Variants in RYK observed in about 807,000 individuals in gnomAD.
RYK encodes receptor like tyrosine kinase.
A neutral mutation model predicts 70.2 loss-of-function variants in RYK; 21 were observed. The ratio of observed to expected loss-of-function variants is 0.30; its 90% CI spans 0.21 to 0.43. RYK has a LOEUF of 0.43. Among genes scored for constraint, RYK ranks in the 20% least tolerant of loss-of-function variants. The pLI, the probability that RYK is intolerant of heterozygous loss-of-function variation, is 1.00. For missense variants in RYK, 604 were observed against 753.3 expected, an observed-to-expected ratio of 0.80 and a Z score of 2.32; for synonymous variants, 267 against 278.0, an observed-to-expected ratio of 0.96 and a Z score of 0.39.
chr3:134,208,490 T>A (rs1040658609), intron 4 of RYK, among the ~76,000 whole-genome samples: 2 of 152,202 alleles, frequency 1.3e-5, no homozygotes, highest in Non-Finnish European at 2.9e-5. Flanking sequence ...GAAGTTGGTA[T>A]ATAACTGAAT....
intron 6 of RYK, among the ~76,000 whole-genome samples, chr3:134,197,322 T>C (rs1279256237): frequency 6.6e-6 from 1 of 152,200 alleles, no homozygotes; most frequent in Non-Finnish European, 1.5e-5. Flanking sequence ...GAACTGCCAG[T>C]ATCATCGATT....
chr3:134,225,090 T>C (rs1026476695), intron 1 of RYK, among the ~76,000 whole-genome samples: 3 of 152,194 alleles, frequency 2.0e-5, no homozygotes, highest in Non-Finnish European at 4.4e-5. Context: ...CTAAAAAAGA[T>C]ACTGAAAGCA....
chr3:134,170,208 A>C (rs1026227312), intron 13 of RYK, among the ~76,000 whole-genome samples: 3 of 152,244 alleles, frequency 2.0e-5, no homozygotes, highest in African/African-American at 7.2e-5. Flanking sequence ...ATTTATAATA[A>C]GCTACAAAAG....
intron 2 of RYK, among the ~76,000 whole-genome samples, chr3:134,214,544 T>C (rs1396326379): frequency 2.0e-5 from 3 of 152,192 alleles, no homozygotes; most frequent in South Asian, 2.1e-4. Context: ...GGTTGACTCC[T>C]TCCAAACCCT....
At chr3:134,210,263 T>A (rs2014350679) in intron 3 of RYK, among the ~76,000 whole-genome samples, 1 of 152,234 alleles carries the variant, frequency 6.6e-6, no homozygotes. Context: ...AATGCAAGTA[T>A]GTCTGCTCTT....
chr3:134,248,968 C>T (rs2015539466), intron 1 of RYK, among the ~76,000 whole-genome samples: 1 of 151,978 alleles, frequency 6.6e-6, no homozygotes, highest in Non-Finnish European at 1.5e-5. Flanking sequence ...ATGTCAGTCC[C>T]TGGTTGTCTT....
intron 1 of RYK, among the ~76,000 whole-genome samples, chr3:134,246,413 C>T (rs974899289): frequency 2.9e-5 from 4 of 139,306 alleles, no homozygotes; most frequent in Non-Finnish European, 6.2e-5. Flanking sequence ...TAAAAAGAGT[C>T]TCTAGATTGA....
chr3:134,227,943 G>A (rs192444490), intron 1 of RYK, among the ~76,000 whole-genome samples: 8 of 152,306 alleles, frequency 5.3e-5, no homozygotes, highest in Admixed American at 4.6e-4. Context: ...AAACTGTTGG[G>A]ATTACAGGCG....
chr3:134,237,972 A>G (rs1287591366), intron 1 of RYK, among the ~76,000 whole-genome samples: 2 of 152,240 alleles, frequency 1.3e-5, no homozygotes, highest in African/African-American at 2.4e-5. Context: ...CACTGAATAC[A>G]TTTTAATGAA....
intron 9 of RYK, among the ~76,000 whole-genome samples, chr3:134,186,794 C>T (rs1187647759): frequency 6.6e-6 from 1 of 152,106 alleles, no homozygotes; most frequent in East Asian, 1.9e-4. Context: ...AAACCTCCTT[C>T]CTTAATTCAG....
intron 2 of RYK, among the ~76,000 whole-genome samples, chr3:134,221,195 T>A (rs912409732): frequency 1.5e-5 from 2 of 134,046 alleles, no homozygotes; most frequent in Non-Finnish European, 3.2e-5. Context: ...CAGTTCTTTT[T>A]CTTTTTTTTT....
chr3:134,244,573 G>A (rs1482321572), intron 1 of RYK, among the ~76,000 whole-genome samples: 5 of 152,076 alleles, frequency 3.3e-5, no homozygotes, highest in African/African-American at 1.2e-4. Flanking sequence ...AGCCTGTTAT[G>A]CAAGTAACAG....
At chr3:134,168,778 A>AAAT (rs901339362) in intron 13 of RYK, among the ~76,000 whole-genome samples, 1 of 152,032 alleles carries the variant, frequency 6.6e-6, no homozygotes, top group African/African-American at 2.4e-5. Context: ...ATAAAAAATA[A>AAAT]AATAATAATA....
intron 6 of RYK, chr3:134,202,494 T>C (rs1363520281): frequency 2.3e-6 from 1 of 434,804 alleles, no homozygotes; most frequent in Non-Finnish European, 4.0e-6. Context: ...AACTACTTGT[T>C]CTCCACTTCT....
At position 134,188,784 on chromosome 3, in the gene RYK, A is replaced by T. The variant is rs1283373916; in HGVS notation, c.1102+53T>A. 7.4e-6 allele frequency: 8 copies of T among 1,086,780 alleles called. No individual in the cohort carries two copies. In the African/African-American group the frequency reaches 7.9e-5, roughly 11 times the overall value. The allele number at this position is 1,086,780 out of a possible 1,614,324, so 67.3% of individuals were successfully genotyped here. A position where few individuals can be genotyped will look rare whatever the true frequency, so the allele number is the denominator to read the frequency against. ...ACTGAGACAGAATTTTGCTGGCAGG[A>T]GCCACCTGAGACAGAAGAGCATCAT... On this transcript the variant is annotated intron_variant, in intron 9 of 14. Transcript: ENST00000623711.
chr3:134,224,507 G>C (rs990375860), intron 1 of RYK, among the ~76,000 whole-genome samples: 4 of 152,242 alleles, frequency 2.6e-5, no homozygotes, highest in Non-Finnish European at 4.4e-5. Context: ...GCATCGCAGG[G>C]AGACGTTTAG....
intron 10 of RYK, chr3:134,179,646 A>G (rs1183872906): frequency 6.6e-6 from 1 of 152,230 alleles, no homozygotes; most frequent in East Asian, 1.9e-4. Flanking sequence ...TTCTCTCCAG[A>G]GGAGCAAGGG....
At chr3:134,248,995 C>T (rs2015540246) in intron 1 of RYK, among the ~76,000 whole-genome samples, 2 of 152,086 alleles carry the variant, frequency 1.3e-5, no homozygotes, top group South Asian at 4.1e-4. Flanking sequence ...CCTACCTACA[C>T]CTCTGACTTT....
Position 134,236,544 on chromosome 3 carries a change from A to T in RYK, c.232+13879T>A, listed in dbSNP as rs573803635. ...CACTAAAATCCCTATCAAACTTCTG[A>T]CTCCCATTTTTGCACAAGAGTAAAA... On this transcript the variant is annotated intron_variant, in intron 1 of 14. Transcript: ENST00000623711. Among the ~76,000 whole-genome samples the T allele has an allele frequency of 2.6e-5, 4 of 152,216 alleles. No homozygotes were observed. In the East Asian group the frequency reaches 7.7e-4, roughly 29 times the overall value.
Sources: gnomAD v4.1 joint callset for allele counts (sites outside exome capture counted in the v4.1 genomes callset) on GRCh38, gnomAD v4.1.1 for gene constraint, MANE v1.5 for transcripts, NCBI Gene and HGNC (gene_info 2026-07-23, HGNC 2026-07-21) for gene names.